Variants in NFIB observed in about 807,000 individuals in gnomAD.
NFIB encodes the protein nuclear factor I B, also known as nuclear factor 1 B-type.
NFIB carries 11 observed loss-of-function variants against 61.5 expected under a neutral mutation model. That is an observed-to-expected ratio of 0.18 (90% CI 0.11 to 0.30). NFIB has a LOEUF of 0.30. Among genes scored for constraint, NFIB ranks in the 10% least tolerant of loss-of-function variants. The probability of loss-of-function intolerance (pLI) is 1.00; values close to 1 mark genes in which losing one functional copy is unlikely to be tolerated. For synonymous variants in NFIB, 260 were observed against 216.5 expected (o/e 1.20, Z -1.76); for missense variants, 471 against 608.9 (o/e 0.77, Z 2.38).
the NFIB span, among the ~76,000 whole-genome samples, chr9:14,421,309 T>A: frequency 1.3e-5 from 2 of 152,170 alleles, no homozygotes; most frequent in African/African-American, 4.8e-5. Flanking sequence ...TCAATACAGA[T>A]TTGTTAAATA....
chr9:14,475,784 T>C, the NFIB span, among the ~76,000 whole-genome samples: 1 of 152,180 alleles, frequency 6.6e-6, no homozygotes, highest in Non-Finnish European at 1.5e-5. Context: ...GGCAAAATGA[T>C]ACAATTTCTC....
At chr9:14,220,842 TACACACACACACACAC>T (rs138623129) in intron 2 of NFIB, among the ~76,000 whole-genome samples, 11 of 123,094 alleles carry the variant, frequency 8.9e-5, no homozygotes, top group South Asian at 2.8e-4. Flanking sequence ...TCAATCTCCC[TACACACACACACACAC>T]ACACACACAC....
At chr9:14,245,852 G>A (rs147418929) in intron 2 of NFIB, among the ~76,000 whole-genome samples, 292 of 152,212 alleles carry the variant, frequency 1.9e-3, no homozygotes, top group African/African-American at 6.9e-3. Context: ...CAGCCTGGGT[G>A]ACAGAGCGAG....
the NFIB span, among the ~76,000 whole-genome samples, chr9:14,440,690 C>T: frequency 6.6e-6 from 1 of 152,158 alleles, no homozygotes; most frequent in Non-Finnish European, 1.5e-5. Context: ...GCCTCAGTCA[C>T]TTGAGAGTGA....
At position 14,084,353 on chromosome 9, in the gene NFIB, C is replaced by T. The variant is rs932953988; in HGVS notation, c.*3956G>A. On this transcript the variant is annotated 3_prime_UTR_variant, in exon 11 of 11. Transcript: ENST00000380953. ...TACAAATTACTGTCTACAAGGTAGG[C>T]GGTTCATTAAGAAGACCTTTCGCTC... The T allele has an allele frequency of 6.4e-5, 14 of 219,010 alleles. No individual in the cohort carries two copies. The highest frequency in any genetic ancestry group is 1.0e-4 in the Non-Finnish European group (11 of 108,828). The allele number at this position is 219,010 out of a possible 1,614,324, so 13.6% of individuals were successfully genotyped here. A position where few individuals can be genotyped will look rare whatever the true frequency, so the allele number is the denominator to read the frequency against.
At chr9:14,210,874 C>T (rs962268202) in intron 2 of NFIB, among the ~76,000 whole-genome samples, 1 of 152,064 alleles carries the variant, frequency 6.6e-6, no homozygotes, top group Non-Finnish European at 1.5e-5. Context: ...TAATATGTAT[C>T]AAAATAGCCG....
chr9:14,332,704 G>T (rs2060837125), intron 1 of NFIB, among the ~76,000 whole-genome samples: 1 of 152,160 alleles, frequency 6.6e-6, no homozygotes, highest in Non-Finnish European at 1.5e-5. Flanking sequence ...TATTGAAGAA[G>T]ACGTCGTCAC....
the NFIB span, among the ~76,000 whole-genome samples, chr9:14,436,677 T>G: frequency 5.3e-5 from 8 of 152,216 alleles, no homozygotes; most frequent in African/African-American, 1.9e-4. Flanking sequence ...CATTTGCAAC[T>G]TCTTGGCAAC....
intron 1 of NFIB, among the ~76,000 whole-genome samples, chr9:14,375,657 C>T (rs1398745109): frequency 6.6e-6 from 1 of 150,978 alleles, no homozygotes; most frequent in Non-Finnish European, 1.5e-5. Flanking sequence ...AAAACTCCAT[C>T]TCAAAAAAAA....
At chr9:14,091,400 T>C (rs2033883825) in intron 10 of NFIB, among the ~76,000 whole-genome samples, 1 of 152,038 alleles carries the variant, frequency 6.6e-6, no homozygotes, top group Non-Finnish European at 1.5e-5. Context: ...TAATAGTGCT[T>C]TTTATACATC....
intron 1 of NFIB, among the ~76,000 whole-genome samples, chr9:14,393,640 C>CA (rs2061650512): frequency 6.6e-6 from 1 of 152,128 alleles, no homozygotes; most frequent in Admixed American, 6.5e-5. Flanking sequence ...GAATGTCATC[C>CA]AAAAAACTAA....
chr9:14,503,108 GTGTGTA>G, the NFIB span, among the ~76,000 whole-genome samples: 35 of 144,854 alleles, frequency 2.4e-4, no homozygotes, highest in Non-Finnish European at 2.1e-4. Context: ...ATATATATAT[GTGTGTA>G]TGTGTGTGTA....
the NFIB span, among the ~76,000 whole-genome samples, chr9:14,444,089 A>G: frequency 6.6e-6 from 1 of 152,196 alleles, no homozygotes; most frequent in Admixed American, 6.5e-5. Flanking sequence ...TATGATTTTC[A>G]TGGCCCTAAT....
chr9:14,523,319 AAT>A, the NFIB span, among the ~76,000 whole-genome samples: 1 of 151,992 alleles, frequency 6.6e-6, no homozygotes, highest in Non-Finnish European at 1.5e-5. Context: ...TTAAACTTTA[AAT>A]ATCTCTTTCT....
At chr9:14,439,791 A>G in the NFIB span, among the ~76,000 whole-genome samples, 1 of 152,180 alleles carries the variant, frequency 6.6e-6, no homozygotes, top group African/African-American at 2.4e-5. Context: ...GGGGCATGTG[A>G]GGAAAACAAG....
chr9:14,190,615 AG>A, intron 2 of NFIB, among the ~76,000 whole-genome samples: 1 of 152,342 alleles, frequency 6.6e-6, no homozygotes, highest in Admixed American at 6.5e-5. Flanking sequence ...ATTTTTGAAA[AG>A]GGATAAAATG....
chr9:14,448,263 T>A, the NFIB span, among the ~76,000 whole-genome samples: 1 of 152,220 alleles, frequency 6.6e-6, no homozygotes, highest in Non-Finnish European at 1.5e-5. Context: ...GAATCTGTCT[T>A]AATGTCCTCA....
intron 2 of NFIB, among the ~76,000 whole-genome samples, chr9:14,282,280 C>A (rs912369463): frequency 2.0e-5 from 3 of 152,146 alleles, no homozygotes; most frequent in Non-Finnish European, 4.4e-5. Context: ...AAAAGTCAGT[C>A]TTCTCCTCCC....
the NFIB span, among the ~76,000 whole-genome samples, chr9:14,520,224 C>T: frequency 6.6e-6 from 1 of 152,160 alleles, no homozygotes; most frequent in Non-Finnish European, 1.5e-5. Context: ...GCCATTTCTT[C>T]ATGTTTTCAA....
Sources: allele counts gnomAD v4.1 joint callset (sites outside exome capture counted in the v4.1 genomes callset), GRCh38; gene constraint gnomAD v4.1.1; transcripts MANE v1.5; gene names NCBI Gene and HGNC (gene_info 2026-07-23, HGNC 2026-07-21).